Variants in MYL6 observed in about 807,000 individuals in gnomAD.
MYL6 encodes myosin light polypeptide 6.
Under a neutral mutation model 20.3 loss-of-function variants are expected in MYL6, and 20 were observed. The ratio of observed to expected loss-of-function variants is 0.98; its 90% CI spans 0.69 to 1.43. The LOEUF (loss-of-function observed/expected upper bound fraction) is 1.43. MYL6 is among the 40% of genes most tolerant of loss of function. The pLI, the probability that MYL6 is intolerant of heterozygous loss-of-function variation, is 0.00. For missense variants in MYL6, 164 were observed against 191.0 expected (o/e 0.86, Z 0.83); for synonymous variants, 77 against 72.4 (o/e 1.06, Z -0.32).
chr12:56,160,939 C>G (rs1871781323), intron 6 of MYL6: 1 of 583,996 alleles, frequency 1.7e-6, no homozygotes, highest in Non-Finnish European at 3.1e-6. Flanking sequence ...AGCCTGTATA[C>G]CAGTCTTGCT....
rs1484940472 is a variant in MYL6, at chr12:56,161,557, A to G, written c.*187A>G. ...GATGTTTGCCGTCAGCATTCACCAAATAAACTTGCTCTCTGGGCCCTCGGT... is the reference window on the plus strand; with the variant it reads ...GATGTTTGCCGTCAGCATTCACCAAGTAAACTTGCTCTCTGGGCCCTCGGT... On this transcript the variant is annotated 3_prime_UTR_variant, in exon 7 of 7. Transcript: ENST00000550697. The G allele has an allele frequency of 9.4e-7, 1 of 1,060,146 alleles. No individual in the cohort carries two copies. The highest frequency in any genetic ancestry group is 1.5e-6 in the Non-Finnish European group (1 of 687,684). The allele number at this position is 1,060,146 out of a possible 1,614,324, so 65.7% of individuals were successfully genotyped here. A position where few individuals can be genotyped will look rare whatever the true frequency, so the allele number is the denominator to read the frequency against.
At chr12:56,161,323 CT>C in intron 6 of MYL6, 63 bp from the exon 7 acceptor site, 1 of 1,597,124 alleles carries the variant, frequency 6.3e-7, no homozygotes. Context: ...TGGTAGTCCC[CT>C]GGCCCTTGGC....
intron 2 of MYL6, chr12:56,159,340 G>C (rs1311052468): frequency 4.2e-6 from 2 of 475,276 alleles, no homozygotes; most frequent in Non-Finnish European, 7.4e-6. Context: ...AGATTGGCAG[G>C]CCTGCCGCAG....
chr12:56,160,953 G>C (rs1871783547), intron 6 of MYL6: 3 of 577,478 alleles, frequency 5.2e-6, no homozygotes, highest in Non-Finnish European at 9.3e-6. Flanking sequence ...TCTTGCTTTA[G>C]GGTGACCTTC....
chr12:56,160,586 T>G (rs1298957534), intron 5 of MYL6, 40 bp from the exon 6 acceptor site: 21 of 1,610,806 alleles, frequency 1.3e-5, no homozygotes, highest in Non-Finnish European at 1.7e-5. Context: ...CCCCATGTCT[T>G]TGTCTTGTCT....
At chr12:56,160,464 G>C (rs116412519) in intron 5 of MYL6, 144 bp downstream of exon 5, 7 of 1,425,868 alleles carry the variant, frequency 4.9e-6, no homozygotes, top group Non-Finnish European at 6.9e-6. Context: ...CCCAGCCCAG[G>C]AGTGGGAGGT....
At chr12:56,159,458 CTT>C in intron 2 of MYL6, 127 bp from the exon 3 acceptor site, 1 of 1,258,538 alleles carries the variant, frequency 7.9e-7, no homozygotes, top group Non-Finnish European at 1.1e-6. Flanking sequence ...CTTAAGTAGA[CTT>C]TGGTGTACAG....
At chr12:56,159,809 T>G in intron 3 of MYL6, 79 bp downstream of exon 3, 1 of 1,549,852 alleles carries the variant, frequency 6.5e-7, no homozygotes, top group Non-Finnish European at 8.7e-7. Flanking sequence ...TTTATCTTCA[T>G]AGGCCCCAAA....
intron 2 of MYL6, chr12:56,158,919 G>A (rs1871514784): frequency 7.0e-7 from 1 of 1,427,472 alleles, no homozygotes; most frequent in African/African-American, 1.4e-5. Flanking sequence ...CCCAAGCACT[G>A]GGTGAGTTTT....
intron 2 of MYL6, chr12:56,158,979 G>T (rs943787210): frequency 2.0e-5 from 28 of 1,369,644 alleles, no homozygotes; most frequent in Non-Finnish European, 2.4e-5. Context: ...CCTGCTGTGT[G>T]TGGGGTCTCG....
chr12:56,159,633 G>T lies in MYL6; in HGVS notation c.78G>T (p.Lys26Asn). The change falls in exon 3 of 7, where the codon AAG becomes AAT. Residue 26 changes from lysine (K) to asparagine (N), a missense_variant. Lys to Asn is a moderately conservative substitution (Grantham distance 94, BLOSUM62 0). Transcript: ENST00000550697. ...TGTTTGACCGAACAGGTGATGGCAA[G>T]ATCCTGTACAGCCAGTGTGGGGATG... The part of the protein sequence containing the change: ...FQLFDRTGDG[K>N]ILYSQCGDVM... 2.5e-6 allele frequency: 4 copies of T among 1,614,122 alleles called. No individual in the cohort carries two copies. Among genetic ancestry groups the T allele is most frequent in the South Asian group, 1.1e-5 (1 of 91,082 alleles).
In MYL6 at chr12:56,160,643, C is replaced by CT. The variant is rs765804454; in HGVS notation, c.446dup (p.Ser150ValfsTer33). Reference sequence around the variant, plus strand: ...TCCTGCAGCGTTTGTGAGGCATATCCTGTCGGGGTGACGGGCCCATGGGGC... The same window carrying CT: ...TCCTGCAGCGTTTGTGAGGCATATCCTTGTCGGGGTGACGGGCCCATGGGGC... On this transcript the variant is annotated frameshift_variant, in exon 6 of 7. Coordinates refer to ENST00000550697, the MANE Select transcript of MYL6 (RefSeq NM_021019.5). LOFTEE classifies it high-confidence loss of function. The CT allele has an allele frequency of 5.4e-5, 87 of 1,614,104 alleles. No homozygotes were observed. In the East Asian group the frequency reaches 1.9e-3, roughly 35 times the overall value.
chr12:56,160,335 G>A lies in MYL6; in HGVS notation c.427+15G>A, dbSNP rs780207053. On this transcript the variant is annotated intron_variant, in intron 5 of 6. Transcript: ENST00000550697. ...CAACTATGAAGGTAAGAGGTGAACT[G>A]CGCTTTCTCAGAGAAAGCAGCCATA... The A allele has an allele frequency of 6.8e-6, 11 of 1,613,964 alleles. No individual in the cohort carries two copies. The African/African-American group carries it at 1.2e-4, about 18-fold the overall frequency.
chr12:56,160,773 T>C, intron 6 of MYL6, 103 bp downstream of exon 6: 3 of 1,294,860 alleles, frequency 2.3e-6, no homozygotes, highest in Non-Finnish European at 3.3e-6. Context: ...ACCATCTGAC[T>C]TCCTCCTGGC....
At position 56,159,721 on chromosome 12, in the gene MYL6, A is replaced by G. The variant is rs1213433284; in HGVS notation, c.166A>G (p.Lys56Glu). The G allele has an allele frequency of 1.2e-6, 2 of 1,613,798 alleles. No homozygotes were observed. Among genetic ancestry groups the G allele is most frequent in the Non-Finnish European group, 1.7e-6 (2 of 1,179,862 alleles). ...GGTGCTCAAGGTCCTGGGGAACCCC[A>G]AGAGTGATGGTGAGGGGCCTAAAGA... The part of the protein sequence containing the change: ...AEVLKVLGNP[K>E]SDEMNVKVLD... The change falls in exon 3 of 7, where the codon AAG becomes GAG. Residue 56 changes from lysine (K) to glutamate (E), a missense_variant. Coordinates refer to ENST00000550697, the MANE Select transcript of MYL6 (RefSeq NM_021019.5).
intron 1 of MYL6, 104 bp from the exon 2 acceptor site, chr12:56,158,580 A>AGGAGTTTGTGGGTC (rs1203202150): frequency 4.3e-6 from 7 of 1,612,972 alleles, no homozygotes; most frequent in Non-Finnish European, 5.9e-6. Flanking sequence ...AGCCTGAAAC[A>AGGAGTTTGTGGGTC]GGAGTTTGTG....
chr12:56,160,266 G>A lies in MYL6; in HGVS notation c.373G>A (p.Val125Ile). The A allele has an allele frequency of 1.2e-6, 2 of 1,614,248 alleles. No homozygotes were observed. Among genetic ancestry groups the A allele is most frequent in the East Asian group, 2.2e-5 (1 of 44,892 alleles). The change falls in exon 5 of 7, where the codon GTA becomes ATA. Residue 125 changes from valine to isoleucine, a missense_variant. Physicochemically the swap from Val to Ile is conservative, Grantham distance 29 (BLOSUM62 3). Coordinates refer to ENST00000550697, the MANE Select transcript of MYL6 (RefSeq NM_021019.5). ...AGGTGAGAAGATGACAGAGGAAGAA[G>A]TAGAGATGCTGGTGGCAGGGCATGA... ...TLGEKMTEEE[V>I]EMLVAGHEDS... is the part of the protein sequence containing the mutation.
intron 6 of MYL6, 73 bp from the exon 7 acceptor site, chr12:56,161,314 G>A: frequency 1.3e-6 from 2 of 1,572,000 alleles, no homozygotes; most frequent in Non-Finnish European, 1.8e-6. Flanking sequence ...TTTGCAGTCT[G>A]GTAGTCCCCT....
chr12:56,159,558 C>T (rs761757416), intron 2 of MYL6, 29 bp from the exon 3 acceptor site: 2 of 1,608,978 alleles, frequency 1.2e-6, no homozygotes, highest in South Asian at 1.1e-5. Context: ...ACCCTCAAAT[C>T]CTGTGTTGAC....
Sources: allele counts gnomAD v4.1 joint callset, GRCh38; gene constraint gnomAD v4.1.1; transcripts MANE v1.5; gene names NCBI Gene and HGNC (gene_info 2026-07-23, HGNC 2026-07-21).